The following FAM13B variants were observed in gnomAD, a reference collection of about 807,000 sequenced individuals.
FAM13B encodes the protein family with sequence similarity 13 member B, also known as protein FAM13B.
Under a neutral mutation model 117.3 loss-of-function variants are expected in FAM13B, and 60 were observed. The observed-to-expected ratio is 0.51, with a 90% CI of 0.42 to 0.63. FAM13B has a LOEUF of 0.63. Ranked by LOEUF, FAM13B falls within the 30% of genes least tolerant of loss-of-function variation. FAM13B has a pLI of 0.00. For synonymous variants in FAM13B, 332 were observed against 356.1 expected (o/e 0.93, Z 0.76); for missense variants, 972 against 1,091.9 (o/e 0.89, Z 1.55).
chr5:137,969,386 T>A (rs972835718), intron 10 of FAM13B, among the ~76,000 whole-genome samples: 4 of 152,130 alleles, frequency 2.6e-5, no homozygotes, highest in Non-Finnish European at 5.9e-5. Flanking sequence ...CCAACAGACC[T>A]GCAGCTGAGG....
At chr5:137,948,486 G>A (rs577478127) in intron 18 of FAM13B, among the ~76,000 whole-genome samples, 25 of 151,988 alleles carry the variant, frequency 1.6e-4, no homozygotes, top group Non-Finnish European at 2.8e-4. Flanking sequence ...CTAATCTCCC[G>A]GGCTCCATTG....
chr5:137,989,898 A>G (rs930540673), intron 7 of FAM13B, among the ~76,000 whole-genome samples: 1 of 152,106 alleles, frequency 6.6e-6, no homozygotes, highest in East Asian at 1.9e-4. Context: ...GCTGGGGGGA[A>G]AAAACCCCAA....
At chr5:137,984,906 T>C (rs1271505421) in intron 10 of FAM13B, among the ~76,000 whole-genome samples, 2 of 151,986 alleles carry the variant, frequency 1.3e-5, no homozygotes, top group South Asian at 2.1e-4. Context: ...GTAGCTGGGA[T>C]TACAGGCGCC....
chr5:138,036,642 A>G (rs752733866), upstream of FAM13B: 66 of 454,024 alleles, frequency 1.5e-4, no homozygotes, highest in Non-Finnish European at 2.5e-4. Context: ...TTGGCCTTTT[A>G]TAACTAAATA....
At chr5:138,046,970 T>C (rs1791657450) in intron 1 of FAM13B, among the ~76,000 whole-genome samples, 1 of 151,858 alleles carries the variant, frequency 6.6e-6, no homozygotes, top group South Asian at 2.1e-4. Flanking sequence ...GGTCTTGAAC[T>C]CCTGACCTTA....
intron 9 of FAM13B, among the ~76,000 whole-genome samples, chr5:137,985,705 A>C (rs1165520984): frequency 1.3e-5 from 2 of 152,174 alleles, no homozygotes; most frequent in Admixed American, 6.5e-5. Flanking sequence ...TAATAATGAC[A>C]CATCTGTCCT....
intron 1 of FAM13B, among the ~76,000 whole-genome samples, chr5:138,032,151 ACAACCTCAT>A (rs1790233971): frequency 6.6e-6 from 1 of 152,232 alleles, no homozygotes; most frequent in African/African-American, 2.4e-5. Flanking sequence ...ACCGATTCCT[ACAACCTCAT>A]CTAGGAAACC....
At chr5:138,032,625 G>A (rs1581316233) in intron 1 of FAM13B, 157 bp downstream of exon 1, 2 of 696,674 alleles carry the variant, frequency 2.9e-6, no homozygotes, top group Non-Finnish European at 3.5e-6. Context: ...CCCTCTCCAC[G>A]GAACGCCCCA....
At chr5:137,986,652 G>A (rs1777318141) in intron 9 of FAM13B, among the ~76,000 whole-genome samples, 1 of 152,088 alleles carries the variant, frequency 6.6e-6, no homozygotes, top group Non-Finnish European at 1.5e-5. Flanking sequence ...ATTCCTTGTC[G>A]GAAAAGCTTC....
At chr5:138,018,168 C>T in intron 4 of FAM13B, 134 bp downstream of exon 4, 1 of 802,968 alleles carries the variant, frequency 1.2e-6, no homozygotes, top group Non-Finnish European at 1.9e-6. Flanking sequence ...CATACAACCC[C>T]AAAAAGCAAA....
rs138366470 is a variant in FAM13B, at chr5:138,010,556, A to G, written c.690+452T>C. Among the ~76,000 whole-genome samples, 15 of 152,322 alleles carry G rather than the reference A, an allele frequency of 9.8e-5. No homozygotes were observed. In the East Asian group the frequency reaches 2.3e-3, roughly 24 times the overall value. ...TGCCACTTAAACTATTAATATCCAG[A>G]TGCTTCCCATTAGTGACAATTATAC... On this transcript the variant is annotated intron_variant, in intron 6 of 23. Coordinates refer to ENST00000689681, the MANE Select transcript of FAM13B (RefSeq NM_001385994.1).
intron 10 of FAM13B, among the ~76,000 whole-genome samples, chr5:137,966,411 T>G (rs1346770457): frequency 2.1e-5 from 3 of 144,384 alleles, no homozygotes; most frequent in African/African-American, 7.7e-5. Flanking sequence ...CACTCCAGCC[T>G]GGGTGACAGA....
intron 7 of FAM13B, among the ~76,000 whole-genome samples, chr5:137,990,092 A>C (rs1272371231): frequency 6.6e-6 from 1 of 152,224 alleles, no homozygotes; most frequent in Non-Finnish European, 1.5e-5. Context: ...ATTTTGCTCT[A>C]ATACACTATT....
intron 10 of FAM13B, among the ~76,000 whole-genome samples, chr5:137,966,488 T>TATATATATAGAGAGAG (rs1461425784): frequency 1.7e-4 from 5 of 29,480 alleles, no homozygotes; most frequent in African/African-American, 2.5e-4. Flanking sequence ...TATATATATA[T>TATATATATAGAGAGAG]AGAGAGAGAG....
intron 10 of FAM13B, among the ~76,000 whole-genome samples, chr5:137,976,567 G>A (rs903733511): frequency 1.5e-4 from 23 of 152,194 alleles, no homozygotes; most frequent in African/African-American, 4.3e-4. Flanking sequence ...CAGGGACCCC[G>A]AATGGAGGGA....
intron 10 of FAM13B, among the ~76,000 whole-genome samples, chr5:137,975,932 T>G: frequency 2.1e-5 from 3 of 144,446 alleles, no homozygotes; most frequent in African/African-American, 7.7e-5. Flanking sequence ...GGGACGGGAG[T>G]GGGGAAGGGG....
At chr5:138,017,581 A>G (rs1785580707) in intron 4 of FAM13B, among the ~76,000 whole-genome samples, 1 of 152,190 alleles carries the variant, frequency 6.6e-6, no homozygotes, top group Non-Finnish European at 1.5e-5. Context: ...TTTCCTATAT[A>G]ATGAAGCATG....
chr5:138,030,441 C>G (rs1789599199), intron 1 of FAM13B, among the ~76,000 whole-genome samples: 1 of 148,232 alleles, frequency 6.7e-6, no homozygotes, highest in Non-Finnish European at 1.5e-5. Context: ...TAAAGAGAGT[C>G]TCCCTATGTT....
chr5:137,970,687 C>A (rs1771818376), intron 10 of FAM13B, among the ~76,000 whole-genome samples: 1 of 152,142 alleles, frequency 6.6e-6, no homozygotes, highest in Non-Finnish European at 1.5e-5. Flanking sequence ...AGGGTCAAGA[C>A]CCATCAGTGT....
Sources: allele counts gnomAD v4.1 joint callset (sites outside exome capture counted in the v4.1 genomes callset), GRCh38; gene constraint gnomAD v4.1.1; transcripts MANE v1.5; gene names NCBI Gene and HGNC (gene_info 2026-07-23, HGNC 2026-07-21).